ZFYVE28: variants seen among roughly 807,000 people sequenced by gnomAD.
ZFYVE28 encodes the protein zinc finger FYVE-type containing 28, also known as lateral signaling target protein 2 homolog.
Under a neutral mutation model 82.1 loss-of-function variants are expected in ZFYVE28, and 40 were observed. The observed-to-expected ratio is 0.49, with a 90% CI of 0.38 to 0.63. ZFYVE28 has a LOEUF of 0.63. Ranked by LOEUF, ZFYVE28 falls within the 30% of genes least tolerant of loss-of-function variation. The pLI is 0.00. For synonymous variants in ZFYVE28, 612 were observed against 546.1 expected (o/e 1.12, Z -1.68); for missense variants, 1,321 against 1,242.1 (o/e 1.06, Z -0.96).
chr4:2,376,371 TAAA>T (rs55652132), intron 1 of ZFYVE28, among the ~76,000 whole-genome samples: 46 of 75,716 alleles, frequency 6.1e-4, no homozygotes, highest in South Asian at 1.2e-3. Context: ...ACCCTATCTC[TAAA>T]AAAAAAAAAA....
intron 1 of ZFYVE28, chr4:2,364,786 C>T (rs1357640321): frequency 3.0e-6 from 3 of 985,554 alleles, no homozygotes; most frequent in Non-Finnish European, 3.6e-6. Flanking sequence ...AAGGCGCCCA[C>T]GGCCTCCGAG....
intron 8 of ZFYVE28, chr4:2,286,485 C>G (rs1712760628): frequency 1.3e-5 from 2 of 152,450 alleles, no homozygotes; most frequent in South Asian, 4.1e-4. Flanking sequence ...TAAACGTCAG[C>G]CGCTCCAGAC....
rs140937472 is a variant in ZFYVE28, at chr4:2,335,310, G to A, written c.701+395C>T. Among the ~76,000 whole-genome samples the A allele has an allele frequency of 6.7e-4, 102 of 152,194 alleles. No homozygotes were observed. The highest frequency in any genetic ancestry group is 9.2e-4 in the Admixed American group (14 of 15,296). On this transcript the variant is annotated intron_variant, in intron 6 of 12. Transcript: ENST00000290974. This position sits in a 1 kb window ranked among gnomAD's most constrained non-coding sequence, Gnocchi z 5.8. The stretch of plus-strand genomic sequence containing the variant: ...TCCTGAGGGACCCGGGGGGCAGCTC[G>A]TCCTCTTGTTACCACCAAGTCTGCC...
Position 2,339,347 on chromosome 4 carries a change from C to G in ZFYVE28, c.521+106G>C. On this transcript the variant is annotated intron_variant, in intron 4 of 12. Coordinates refer to ENST00000290974, the MANE Select transcript of ZFYVE28 (RefSeq NM_020972.3). This position sits in a 1 kb window ranked among gnomAD's most constrained non-coding sequence, Gnocchi z 5.0. ...GCGGCCCTGAACCTGCCTGGCTCCT[C>G]CCTCTGTGGAATTTTCCAGCTTGAA... 1 of 1,341,734 alleles carries G rather than the reference C, an allele frequency of 7.5e-7. No homozygotes were observed. 83.1% of individuals were successfully genotyped at this position (1,341,734 alleles called of 1,614,324 possible).
intron 1 of ZFYVE28, among the ~76,000 whole-genome samples, chr4:2,396,050 A>G (rs114642294): frequency 0.045 from 6,355 of 141,570 alleles, 197 homozygotes; most frequent in Non-Finnish European, 0.072. Context: ...TGATGGGACA[A>G]GCTATCCTGC....
At chr4:2,328,058 TA>T (rs55997253) in intron 6 of ZFYVE28, among the ~76,000 whole-genome samples, 38,968 of 152,142 alleles carry the variant, frequency 0.26, 6,090 homozygotes, top group Middle Eastern at 0.39. Flanking sequence ...CACTTCTGGG[TA>T]TTTACCCCAA....
At position 2,270,627 on chromosome 4, in the gene ZFYVE28, A is replaced by T. The variant is rs1162484055; in HGVS notation, c.*98T>A. 6 of 1,538,668 alleles carry T rather than the reference A, an allele frequency of 3.9e-6. No homozygotes were observed. In the East Asian group the frequency reaches 1.4e-4, roughly 35 times the overall value. ...GTCTGGGTGCCCCTGCAGCAGCGGC[A>T]GCGGCCTCATGAGACGCAGTGAGAC... On this transcript the variant is annotated 3_prime_UTR_variant, in exon 13 of 13. Coordinates refer to ENST00000290974, the MANE Select transcript of ZFYVE28 (RefSeq NM_020972.3).
intron 1 of ZFYVE28, among the ~76,000 whole-genome samples, chr4:2,392,378 TACATC>T (rs894224379): frequency 1.3e-5 from 2 of 152,210 alleles, no homozygotes; most frequent in Non-Finnish European, 2.9e-5. Flanking sequence ...AATGCGTAAG[TACATC>T]CTTTATCAGA....
intron 1 of ZFYVE28, among the ~76,000 whole-genome samples, chr4:2,411,965 G>A (rs1303326243): frequency 2.6e-5 from 4 of 152,182 alleles, no homozygotes; most frequent in African/African-American, 4.8e-5. Flanking sequence ...TGCCCACACC[G>A]GCTGCAGTCA....
At chr4:2,378,956 G>A (rs956678033) in intron 1 of ZFYVE28, among the ~76,000 whole-genome samples, 3 of 152,214 alleles carry the variant, frequency 2.0e-5, no homozygotes, top group Non-Finnish European at 2.9e-5. Flanking sequence ...CAGAGGCTCT[G>A]AGCAGAGGGC....
intron 8 of ZFYVE28, chr4:2,285,215 G>A (rs1204225547): frequency 6.6e-6 from 1 of 152,340 alleles, no homozygotes; most frequent in African/African-American, 2.4e-5. Context: ...AGCCCCCTGA[G>A]GCTGGAAGGC....
At chr4:2,406,593 T>C (rs2108681614) in intron 1 of ZFYVE28, 1 of 152,330 alleles carries the variant, frequency 6.6e-6, no homozygotes, top group Middle Eastern at 3.4e-3. Context: ...AAACGCCTGG[T>C]TCACCTTTTC....
In ZFYVE28 at chr4:2,274,154, G is replaced by A. The variant is rs767460071; in HGVS notation, c.2114C>T (p.Thr705Met). The A allele has an allele frequency of 1.7e-5, 28 of 1,613,640 alleles. No individual in the cohort carries two copies. Among genetic ancestry groups the A allele is most frequent in the Admixed American group, 1.5e-4 (9 of 59,992 alleles). Residue 705 changes from threonine to methionine, a missense_variant, in exon 9 of 13, where the codon ACG becomes ATG. Around this residue, in one of 2 missense-constraint regions of ZFYVE28, gnomAD observed 978 missense variants for 833.7 expected, o/e 1.17. Coordinates refer to ENST00000290974, the MANE Select transcript of ZFYVE28 (RefSeq NM_020972.3). Reference sequence around the variant, plus strand: ...TCTTGTGGCCTGTGGGGCAGCATGCGTGGCTGCTGGGGCCGCCTCTGGCCC... The same window carrying A: ...TCTTGTGGCCTGTGGGGCAGCATGCATGGCTGCTGGGGCCGCCTCTGGCCC... Reference protein sequence around the residue: ...KMGPEAAPAATHAAPQATREK... With the variant: ...KMGPEAAPAAMHAAPQATREK...
chr4:2,334,388 G>A (rs1315080333), intron 6 of ZFYVE28, among the ~76,000 whole-genome samples: 2 of 151,974 alleles, frequency 1.3e-5, no homozygotes, highest in Non-Finnish European at 2.9e-5. Context: ...GGCGCATCCT[G>A]GGGTTAAGCA....
Position 2,417,236 on chromosome 4 carries a change from G to A in ZFYVE28, c.39+1049C>T, listed in dbSNP as rs367767254. 1.3e-4 allele frequency among the ~76,000 whole-genome samples: 20 copies of A among 152,252 alleles called. No homozygotes were observed. The East Asian group carries it at 2.3e-3, about 18-fold the overall frequency. ...CCGTGACCTCCCCCAAGATCTCAGG[G>A]CCCGGGCCTCCCCGCTGCGCCGGCC... is the stretch of plus-strand genomic sequence containing the variant. On this transcript the variant is annotated intron_variant, in intron 1 of 12. Coordinates refer to ENST00000290974, the MANE Select transcript of ZFYVE28 (RefSeq NM_020972.3). The surrounding 1 kb of genome is among the most constrained non-coding windows in gnomAD (Gnocchi z 4.8).
intron 1 of ZFYVE28, among the ~76,000 whole-genome samples, chr4:2,396,222 A>C (rs867826809): frequency 3.4e-5 from 1 of 29,774 alleles, no homozygotes; most frequent in Non-Finnish European, 7.8e-5. Flanking sequence ...CAGAGGGGCC[A>C]CAAGGCGGGG....
chr4:2,341,090 C>T lies in ZFYVE28; in HGVS notation c.318+388G>A, dbSNP rs895573584. 2.0e-5 allele frequency among the ~76,000 whole-genome samples: 3 copies of T among 152,114 alleles called. No individual in the cohort carries two copies. The highest frequency in any genetic ancestry group is 1.9e-4 in the East Asian group (1 of 5,150). Reference sequence around the variant, plus strand: ...ACAGGCTATTGCCACATGTGGCCTGCGTGGGGCTGCAGCACGGCTCCCCAG... The same window carrying T: ...ACAGGCTATTGCCACATGTGGCCTGTGTGGGGCTGCAGCACGGCTCCCCAG... On this transcript the variant is annotated intron_variant, in intron 3 of 12. Transcript: ENST00000290974. The surrounding 1 kb of genome is among the most constrained non-coding windows in gnomAD (Gnocchi z 4.5).
intron 8 of ZFYVE28, 96 bp from the exon 9 acceptor site, chr4:2,274,312 G>A (rs188900672): frequency 1.3e-4 from 191 of 1,438,626 alleles, no homozygotes; most frequent in African/African-American, 5.4e-4. Context: ...CTGTGTCCTC[G>A]CAGACGCTCA....
At position 2,394,933 on chromosome 4, in the gene ZFYVE28, C is replaced by T. The variant is rs1376887898; in HGVS notation, c.39+23352G>A. Among the ~76,000 whole-genome samples, 1 of 152,254 alleles carries T rather than the reference C, an allele frequency of 6.6e-6. No individual in the cohort carries two copies. Among genetic ancestry groups the T allele is most frequent in the East Asian group, 1.9e-4 (1 of 5,194 alleles). On this transcript the variant is annotated intron_variant, in intron 1 of 12. Transcript: ENST00000290974. The surrounding 1 kb of genome is among the most constrained non-coding windows in gnomAD (Gnocchi z 4.0). The stretch of plus-strand genomic sequence containing the variant: ...GGGTAAGGCCAGCCCTAATGATGCT[C>T]TCTCACTTCCCATTAAAAGTCCCAC...
Sources: allele counts gnomAD v4.1 joint callset (sites outside exome capture counted in the v4.1 genomes callset), GRCh38; gene constraint gnomAD v4.1.1; regional missense constraint gnomAD v4.1.1; non-coding constraint Gnocchi (gnomAD v3.1); transcripts MANE v1.5; gene names NCBI Gene and HGNC (gene_info 2026-07-23, HGNC 2026-07-21).